Variants in DNAH5 observed in about 807,000 individuals in gnomAD.
DNAH5 encodes the protein dynein axonemal heavy chain 5, also known as axonemal beta dynein heavy chain 5.
DNAH5 carries 372 observed loss-of-function variants against 518.2 expected under a neutral mutation model. The observed-to-expected ratio is 0.72, with a 90% CI of 0.66 to 0.78. The LOEUF (loss-of-function observed/expected upper bound fraction) is 0.78, where lower values mean the gene tolerates loss of function less well. DNAH5 is among the 30% of genes least tolerant of loss of function. The pLI, the probability that DNAH5 is intolerant of heterozygous loss-of-function variation, is 0.00. For synonymous variants in DNAH5, 2,039 were observed against 2,025.9 expected (o/e 1.01, Z -0.17); for missense variants, 5,523 against 5,687.0 (o/e 0.97, Z 0.93).
intron 53 of DNAH5, among the ~76,000 whole-genome samples, chr5:13,779,114 C>A (rs1754702723): frequency 2.0e-5 from 3 of 152,168 alleles, no homozygotes; most frequent in African/African-American, 7.2e-5. Context: ...TTTTGAAGAT[C>A]AAATTAGCTC....
intron 1 of DNAH5, among the ~76,000 whole-genome samples, chr5:13,956,664 C>T (rs1050483044): frequency 6.6e-6 from 1 of 152,204 alleles, no homozygotes; most frequent in Admixed American, 6.5e-5. Flanking sequence ...GCTTATCCTG[C>T]ACTTCTACGT....
chr5:13,742,947 GT>G (rs1580008638), intron 65 of DNAH5, among the ~76,000 whole-genome samples: 1 of 152,112 alleles, frequency 6.6e-6, no homozygotes, highest in East Asian at 1.9e-4. Context: ...TTGTTGCTTG[GT>G]TTTTGTTCAA....
chr5:14,007,471 A>T (rs1315578487), intron 1 of DNAH5, among the ~76,000 whole-genome samples: 1 of 152,248 alleles, frequency 6.6e-6, no homozygotes, highest in Non-Finnish European at 1.5e-5. Context: ...GCTTCAAAAA[A>T]GAAAGATATT....
intron 1 of DNAH5, among the ~76,000 whole-genome samples, chr5:13,974,467 T>C (rs779114347): frequency 6.6e-6 from 1 of 152,212 alleles, no homozygotes; most frequent in Non-Finnish European, 1.5e-5. Context: ...ATTATTTGGA[T>C]TGACAACACA....
intron 32 of DNAH5, among the ~76,000 whole-genome samples, chr5:13,844,192 C>T (rs918673272): frequency 3.1e-4 from 47 of 152,150 alleles, no homozygotes; most frequent in African/African-American, 1.1e-3. Context: ...ATGGTAGTTG[C>T]TCAATAAATG....
chr5:13,731,416 G>T (rs972116641), intron 68 of DNAH5, among the ~76,000 whole-genome samples: 4 of 152,140 alleles, frequency 2.6e-5, no homozygotes, highest in Non-Finnish European at 5.9e-5. Context: ...GTTCCTCGCG[G>T]GCCAGAGTAT....
intron 53 of DNAH5, 93 bp downstream of exon 53, chr5:13,780,736 T>A (rs908426952): frequency 1.4e-6 from 2 of 1,386,966 alleles, no homozygotes; most frequent in African/African-American, 2.8e-5. Context: ...TGTGACTCTT[T>A]ATATGTAAGA....
At chr5:13,778,538 AGAAGAAAGAAAGAAAGAAAGAAAGAAAG>A (rs1754483853) in intron 53 of DNAH5, among the ~76,000 whole-genome samples, 1 of 77,458 alleles carries the variant, frequency 1.3e-5, no homozygotes, top group African/African-American at 4.7e-5. Context: ...AGAGAGAGAG[AGAAGAAAGAAAGAAAGAAAGAAAGAAAG>A]AAAGAAAGAA....
At chr5:13,949,625 A>C (rs567890543), upstream of DNAH5, among the ~76,000 whole-genome samples, 1 of 152,360 alleles carries the variant, frequency 6.6e-6, no homozygotes, top group East Asian at 1.9e-4. Context: ...ATTTAGAGTA[A>C]ACACTAAGAG....
intron 1 of DNAH5, among the ~76,000 whole-genome samples, chr5:13,986,777 T>A (rs949764734): frequency 7.9e-5 from 12 of 152,192 alleles, no homozygotes; most frequent in African/African-American, 2.9e-4. Context: ...CTAACTCAGA[T>A]ATCACTATTG....
rs6867796 is a variant in DNAH5 at position 13,750,789 on chromosome 5, A to G, written c.11211+289T>C. 0.73 allele frequency among the ~76,000 whole-genome samples: 110,840 copies of G among 152,116 alleles called. 40,667 individuals carry two copies. The highest frequency in any genetic ancestry group is 0.81 in the African/African-American group (33,512 of 41,528). On this transcript the variant is annotated intron_variant, in intron 65 of 78. Coordinates refer to ENST00000265104, the MANE Select transcript of DNAH5 (RefSeq NM_001369.3). ...AGAACAATCAAGTAATTTAAGAACA[A>G]AGTAATGATGCTGAAAATGAGACTG...
At chr5:13,840,249 T>C (rs1377443286) in intron 34 of DNAH5, among the ~76,000 whole-genome samples, 4 of 152,246 alleles carry the variant, frequency 2.6e-5, no homozygotes, top group African/African-American at 7.2e-5. Flanking sequence ...TAATCTTTTT[T>C]ACATAATGGG....
intron 8 of DNAH5, 76 bp from the exon 9 acceptor site, chr5:13,916,531 G>T: frequency 1.4e-6 from 1 of 721,316 alleles, no homozygotes; most frequent in Non-Finnish European, 2.5e-6. Context: ...CATTCCATCT[G>T]CATTAAAATA....
At chr5:13,978,982 T>C (rs112417302) in intron 1 of DNAH5, among the ~76,000 whole-genome samples, 2,367 of 152,220 alleles carry the variant, frequency 0.016, 71 homozygotes, top group African/African-American at 0.054. Flanking sequence ...CTGCCCTCCA[T>C]TGGCTCCCAG....
At chr5:13,860,929 G>T (rs570625357) in intron 29 of DNAH5, among the ~76,000 whole-genome samples, 5 of 152,134 alleles carry the variant, frequency 3.3e-5, no homozygotes, top group Admixed American at 2.6e-4. Flanking sequence ...TAACCAAATT[G>T]TTTTAATATT....
Position 13,737,320 on chromosome 5 carries a change from G to T in DNAH5, c.11387C>A (p.Thr3796Lys). 6.2e-7 allele frequency: 1 copy of T among 1,614,042 alleles called. No homozygotes were observed. Among genetic ancestry groups the T allele is most frequent in the Non-Finnish European group, 8.5e-7 (1 of 1,179,998 alleles). ...CTCAGCAGAAATTTCTAGCTTCTGT[G>T]TCACCTCCTCGGCTGTCCTTTTTGT... is the stretch of plus-strand genomic sequence containing the variant. ...SNTKRTAEEVTQKLEISAETE... is the reference protein window; with the variant it reads ...SNTKRTAEEVKQKLEISAETE... Residue 3796 changes from threonine (T) to lysine (K), a missense_variant, in exon 66 of 79, where the codon ACA becomes AAA. Transcript: ENST00000265104.
intron 62 of DNAH5, 124 bp downstream of exon 62, chr5:13,754,079 C>A: frequency 3.6e-6 from 4 of 1,123,332 alleles, no homozygotes; most frequent in Non-Finnish European, 4.0e-6. Context: ...GCACAATGTG[C>A]GGGTTTGTTA....
intron 1 of DNAH5, among the ~76,000 whole-genome samples, chr5:13,962,912 C>T (rs893415281): frequency 3.9e-5 from 6 of 152,124 alleles, no homozygotes; most frequent in South Asian, 2.1e-4. Flanking sequence ...GGCAGCTGCT[C>T]GGCCAGCCTC....
chr5:13,823,372 T>C lies in DNAH5; in HGVS notation c.6580-2A>G. 6.3e-7 allele frequency: 1 copy of C among 1,598,490 alleles called. No individual in the cohort carries two copies. The highest frequency in any genetic ancestry group is 1.7e-5 in the Admixed American group (1 of 59,980). ...AAACAAGGGTTCATCCTCATCAATC[T>C]AAAAAAAGAAAATGGGAAATCAGAC... On this transcript the variant is annotated splice_acceptor_variant, in intron 39 of 78. Transcript: ENST00000265104. LOFTEE classifies it high-confidence loss of function.
Sources: gnomAD v4.1 joint callset for allele counts (sites outside exome capture counted in the v4.1 genomes callset) on GRCh38, gnomAD v4.1.1 for gene constraint, MANE v1.5 for transcripts, NCBI Gene and HGNC (gene_info 2026-07-23, HGNC 2026-07-21) for gene names.